The following GABRQ variants were observed in gnomAD, a reference collection of about 807,000 sequenced individuals.
The protein encoded by GABRQ is gamma-aminobutyric acid receptor subunit theta.
In GABRQ, 19 loss-of-function variants were observed where a neutral mutation model predicts 30.5. The ratio of observed to expected loss-of-function variants is 0.62; its 90% CI spans 0.43 to 0.91. The LOEUF is 0.91. GABRQ is among the 40% of genes least tolerant of loss of function. The pLI, the probability that GABRQ is intolerant of heterozygous loss-of-function variation, is 0.00. For synonymous variants in GABRQ, 187 were observed against 210.2 expected (o/e 0.89, Z 0.95); for missense variants, 520 against 521.4 (o/e 1.00, Z 0.03).
intron 2 of GABRQ, among the ~76,000 whole-genome samples, chrX:152,642,419 T>C (rs1304379313): frequency 1.8e-5 from 2 of 111,857 alleles, no homozygotes; most frequent in African/African-American, 3.3e-5. Context: ...TATTCCTTCC[T>C]TGCATACGGG....
Position 152,652,776 on chromosome X carries a change from G to T in GABRQ, c.1394G>T (p.Gly465Val). Reference sequence around the variant, plus strand: ...TCAGAGCAGGCCCGGCACAGCTATGGTGTTCGCTTTAATGGTTTCCAGGCT... The same window carrying T: ...TCAGAGCAGGCCCGGCACAGCTATGTTGTTCGCTTTAATGGTTTCCAGGCT... The part of the protein sequence containing the change: ...STSEQARHSY[G>V]VRFNGFQADD... Residue 465 changes from glycine to valine, a missense_variant, in exon 9 of 9, where the codon GGT becomes GTT. Transcript: ENST00000598523. 1 of 1,211,560 alleles carries T rather than the reference G, an allele frequency of 8.3e-7. No homozygotes were observed. The highest frequency in any genetic ancestry group is 1.8e-5 in the South Asian group (1 of 57,007).
At chrX:152,639,360 A>G (rs2068223133) in intron 1 of GABRQ, among the ~76,000 whole-genome samples, 1 of 103,288 alleles carries the variant, frequency 9.7e-6, no homozygotes, top group Admixed American at 1.0e-4. Context: ...GCCACTGAAC[A>G]TGCACACATG....
chrX:152,657,886 C>T (rs1931179828), downstream of GABRQ, among the ~76,000 whole-genome samples: 3 of 112,475 alleles, frequency 2.7e-5, no homozygotes. Flanking sequence ...CAAGTCAAGG[C>T]TGCAGTAAGC....
chrX:152,649,959 C>T (rs1556819900), intron 6 of GABRQ, 80 bp downstream of exon 6: 2 of 785,108 alleles, frequency 2.5e-6, no homozygotes, highest in African/African-American at 4.1e-5. Context: ...CTGATTTTGG[C>T]TCCTATTCTC....
chrX:152,639,545 G>A (rs1290352452), intron 1 of GABRQ, among the ~76,000 whole-genome samples: 4 of 112,052 alleles, frequency 3.6e-5, no homozygotes, highest in South Asian at 7.5e-4. Context: ...AATTGGGTGA[G>A]CGTGTCAGAG....
chrX:152,643,842 T>G (rs1223195883), intron 2 of GABRQ, among the ~76,000 whole-genome samples: 1 of 111,834 alleles, frequency 8.9e-6, no homozygotes, highest in Non-Finnish European at 1.9e-5. Context: ...TCTCACACAT[T>G]AGCATGCTCA....
intron 3 of GABRQ, among the ~76,000 whole-genome samples, chrX:152,646,684 G>A (rs1930894489): frequency 8.9e-6 from 1 of 112,040 alleles, no homozygotes; most frequent in African/African-American, 3.2e-5. Context: ...GGGGGTGTGA[G>A]GGAAATATAT....
In GABRQ at chrX:152,647,019, G is replaced by A. The variant is rs1556819317; in HGVS notation, c.378G>A (p.Leu126=). ...GCTTAGCATACTATGAGACCACCCT[G>A]AACTTGACCCTGGACTATCGGATGC... The part of the protein sequence containing the change: ...DSRLAYYETT[L]NLTLDYRMHE... The change falls in exon 4 of 9, where the codon CTG becomes CTA. Residue 126 remains leucine, a synonymous_variant. Transcript: ENST00000598523. 1.7e-6 allele frequency: 2 copies of A among 1,204,582 alleles called. No individual in the cohort carries two copies. Among genetic ancestry groups the A allele is most frequent in the African/African-American group, 1.8e-5 (1 of 57,025 alleles).
In GABRQ at chrX:152,653,316, C is replaced by G; in HGVS notation, c.*35C>G. 9.6e-7 allele frequency: 1 copy of G among 1,039,528 alleles called. No individual in the cohort carries two copies. The highest frequency in any genetic ancestry group is 1.3e-6 in the Non-Finnish European group (1 of 761,304). The allele number at this position is 1,039,528 out of a possible 1,213,427, so 85.7% of individuals were successfully genotyped here. ...GCTCCAGAACAGCGGGAGCACTGTG[C>G]TGTGCTCCTTTCAGTTTCTTTTGGG... On this transcript the variant is annotated 3_prime_UTR_variant, in exon 9 of 9. Transcript: ENST00000598523.
At chrX:152,638,632 G>A (rs1483387740) in intron 1 of GABRQ, among the ~76,000 whole-genome samples, 1 of 112,415 alleles carries the variant, frequency 8.9e-6, no homozygotes. Context: ...GGGTGGGGGC[G>A]GGGGTCGCCC....
chrX:152,656,006 G>A lies in GABRQ; in HGVS notation c.*2725G>A, dbSNP rs1556821128. The A allele has an allele frequency of 1.8e-5, 2 of 111,949 alleles. No individual in the cohort carries two copies. Among genetic ancestry groups the A allele is most frequent in the African/African-American group, 6.5e-5 (2 of 30,750 alleles). 9.2% of individuals were successfully genotyped at this position (111,949 alleles called of 1,213,427 possible). The stretch of plus-strand genomic sequence containing the variant: ...CTTGCCCTGACGTGCTGCAATGAGA[G>A]CAGTTGAACTCTACTGCGACTCATA... On this transcript the variant is annotated 3_prime_UTR_variant, in exon 9 of 9. Transcript: ENST00000598523.
intron 2 of GABRQ, among the ~76,000 whole-genome samples, chrX:152,640,773 C>T (rs1223894473): frequency 3.6e-5 from 4 of 112,004 alleles, no homozygotes; most frequent in South Asian, 3.8e-4. Context: ...GGATGCGGCG[C>T]GCTGTGTTCC....
intron 5 of GABRQ, 30 bp downstream of exon 5, chrX:152,649,363 C>T (rs368200742): frequency 4.6e-6 from 4 of 865,864 alleles, no homozygotes; most frequent in Middle Eastern, 2.7e-4. Flanking sequence ...CCCCTTCTTC[C>T]GTACTTGGGG....
At position 152,652,575 on chromosome X, in the gene GABRQ, C is replaced by A. The variant is rs1033610208; in HGVS notation, c.1193C>A (p.Ser398Tyr). The A allele has an allele frequency of 8.3e-7, 1 of 1,208,667 alleles. No homozygotes were observed. The highest frequency in any genetic ancestry group is 2.2e-5 in the Admixed American group (1 of 45,952). The part of the protein sequence containing the change: ...GLINVEDGVS[S>Y]LPITPAQAPL... Reference sequence around the variant, plus strand: ...ATTAACGTGGAAGACGGAGTCAGCTCTCTCCCCATCACCCCAGCGCAGGCC... The same window carrying A: ...ATTAACGTGGAAGACGGAGTCAGCTATCTCCCCATCACCCCAGCGCAGGCC... Residue 398 changes from serine to tyrosine, a missense_variant, in exon 9 of 9, where the codon TCT (serine) becomes TAT (tyrosine). Ser to Tyr is a moderately radical substitution (Grantham distance 144). Coordinates refer to ENST00000598523, the MANE Select transcript of GABRQ (RefSeq NM_018558.4).
chrX:152,645,270 C>A (rs960892350), intron 2 of GABRQ, among the ~76,000 whole-genome samples: 3 of 111,977 alleles, frequency 2.7e-5, no homozygotes, highest in African/African-American at 9.7e-5. Flanking sequence ...CATCCCTTAA[C>A]GTTCTCTTTA....
intron 6 of GABRQ, 76 bp from the exon 7 acceptor site, chrX:152,650,349 CCTT>C: frequency 4.6e-6 from 4 of 871,328 alleles, no homozygotes; most frequent in Non-Finnish European, 6.6e-6. Flanking sequence ...GCTCTCCCCT[CCTT>C]CTCCATCCTG....
At chrX:152,644,675 C>T (rs1465170346) in intron 2 of GABRQ, among the ~76,000 whole-genome samples, 1 of 112,025 alleles carries the variant, frequency 8.9e-6, no homozygotes, top group African/African-American at 3.3e-5. Flanking sequence ...TGAACAGGCT[C>T]ACATACTGTA....
At position 152,649,364 on chromosome X, in the gene GABRQ, G is replaced by A. The variant is rs149484635; in HGVS notation, c.610+31G>A. 894 of 865,895 alleles carry A rather than the reference G, an allele frequency of 1.0e-3. 4 individuals are homozygous for A. In the African/African-American group the frequency reaches 0.015, roughly 14 times the overall value. The allele number at this position is 865,895 out of a possible 1,213,427, so 71.4% of individuals were successfully genotyped here. A position where few individuals can be genotyped will look rare whatever the true frequency, so the allele number is the denominator to read the frequency against. On this transcript the variant is annotated intron_variant, in intron 5 of 8. Transcript: ENST00000598523. ...TATGTCTCCTATGGCCCCTTCTTCCGTACTTGGGGCTGTGGTGATCAGGGA... is the reference window on the plus strand; with the variant it reads ...TATGTCTCCTATGGCCCCTTCTTCCATACTTGGGGCTGTGGTGATCAGGGA...
At chrX:152,645,170 CAT>C (rs782424401) in intron 2 of GABRQ, among the ~76,000 whole-genome samples, 4 of 112,710 alleles carry the variant, frequency 3.5e-5, no homozygotes, top group East Asian at 2.8e-4. Context: ...CACACACAAA[CAT>C]GTGCACACAC....
Sources: gnomAD v4.1 joint callset for allele counts (sites outside exome capture counted in the v4.1 genomes callset) on GRCh38, gnomAD v4.1.1 for gene constraint, MANE v1.5 for transcripts, NCBI Gene and HGNC (gene_info 2026-07-23, HGNC 2026-07-21) for gene names.